Variants in LTBP1 observed in about 807,000 individuals in gnomAD.
LTBP1 encodes latent-transforming growth factor beta-binding protein 1.
A neutral mutation model predicts 207.6 loss-of-function variants in LTBP1; 129 were observed. That is an observed-to-expected ratio of 0.62 (90% CI 0.54 to 0.72). LTBP1 has a LOEUF of 0.72. LTBP1 is among the 30% of genes least tolerant of loss of function. The probability of loss-of-function intolerance (pLI) is 0.00; values close to 1 mark genes in which losing one functional copy is unlikely to be tolerated. For missense variants in LTBP1, 2,281 were observed against 2,217.2 expected, an observed-to-expected ratio of 1.03 and a Z score of -0.58; for synonymous variants, 963 against 833.7, an observed-to-expected ratio of 1.16 and a Z score of -2.67.
chr2:33,043,416 C>T (rs219217), intron 3 of LTBP1, among the ~76,000 whole-genome samples: 147,896 of 152,254 alleles, frequency 0.97, 71,973 homozygotes, highest in East Asian at 1. Flanking sequence ...TTAATAAAAA[C>T]CAAAATTTAT....
intron 20 of LTBP1, among the ~76,000 whole-genome samples, chr2:33,294,921 G>T (rs563722972): frequency 1.3e-5 from 2 of 151,350 alleles, no homozygotes; most frequent in African/African-American, 4.9e-5. Context: ...TTTTTAATTG[G>T]CATGTAATAA....
At chr2:33,114,531 T>C (rs555382837) in intron 4 of LTBP1, among the ~76,000 whole-genome samples, 2 of 152,306 alleles carry the variant, frequency 1.3e-5, no homozygotes, top group African/African-American at 4.8e-5. Flanking sequence ...GCCCTGCTTC[T>C]AGCAGCTGTC....
chr2:33,195,364 G>A (rs2088428970), intron 7 of LTBP1, among the ~76,000 whole-genome samples: 1 of 152,158 alleles, frequency 6.6e-6, no homozygotes, highest in Admixed American at 6.5e-5. Flanking sequence ...ATACATGGGA[G>A]GAGGTCAAAA....
At chr2:33,331,780 A>T (rs1573878157) in intron 24 of LTBP1, among the ~76,000 whole-genome samples, 1 of 152,162 alleles carries the variant, frequency 6.6e-6, no homozygotes, top group African/African-American at 2.4e-5. Flanking sequence ...ACTGAGGAGT[A>T]TGTAAGAAAA....
intron 16 of LTBP1, among the ~76,000 whole-genome samples, chr2:33,274,131 G>T (rs1411999583): frequency 6.6e-6 from 1 of 151,922 alleles, no homozygotes; most frequent in Non-Finnish European, 1.5e-5. Flanking sequence ...CTGCAGTAAA[G>T]AATTACATTC....
chr2:33,202,389 T>C (rs149217999), intron 7 of LTBP1, among the ~76,000 whole-genome samples: 282 of 152,276 alleles, frequency 1.9e-3, no homozygotes, highest in Non-Finnish European at 3.0e-3. Context: ...TGGAAATCTT[T>C]TCTCAGTGAT....
intron 5 of LTBP1, among the ~76,000 whole-genome samples, chr2:33,182,103 T>C (rs748895134): frequency 7.2e-5 from 11 of 152,152 alleles, no homozygotes; most frequent in Non-Finnish European, 1.3e-4. Flanking sequence ...CATAAAGGGT[T>C]ATAAATACTG....
chr2:33,277,801 C>T (rs1221831715), intron 18 of LTBP1, among the ~76,000 whole-genome samples: 304 of 101,822 alleles, frequency 3.0e-3, no homozygotes, highest in African/African-American at 0.01. Context: ...TTCTTTCTCT[C>T]TCTCTTTCTT....
At chr2:33,242,156 G>A (rs949932005) in intron 9 of LTBP1, among the ~76,000 whole-genome samples, 4 of 152,014 alleles carry the variant, frequency 2.6e-5, no homozygotes, top group African/African-American at 9.7e-5. Context: ...TGCCTACTTA[G>A]AACATGAAAT....
intron 9 of LTBP1, 22 bp from the exon 10 acceptor site, chr2:33,243,640 A>G (rs1331875350): frequency 2.5e-6 from 4 of 1,612,286 alleles, no homozygotes; most frequent in Admixed American, 1.7e-5. Context: ...TGCTCCTTCT[A>G]AAGAATTGTG....
intron 9 of LTBP1, among the ~76,000 whole-genome samples, chr2:33,234,141 A>C (rs2091926239): frequency 6.6e-6 from 1 of 152,194 alleles, no homozygotes; most frequent in South Asian, 2.1e-4. Flanking sequence ...ATTCTGCCTT[A>C]TAAAGTGAAA....
At chr2:33,133,068 T>C (rs1280937503) in intron 4 of LTBP1, among the ~76,000 whole-genome samples, 1 of 152,106 alleles carries the variant, frequency 6.6e-6, no homozygotes, top group Non-Finnish European at 1.5e-5. Flanking sequence ...CAAGTAAAGG[T>C]TACACGACCA....
At chr2:33,254,912 A>G (rs1276619760) in intron 11 of LTBP1, among the ~76,000 whole-genome samples, 1 of 100,620 alleles carries the variant, frequency 9.9e-6, no homozygotes, top group Non-Finnish European at 2.0e-5. Flanking sequence ...ATTAATATCA[A>G]ACACTGTTGT....
chr2:33,123,977 G>C (rs1330864005), intron 4 of LTBP1, among the ~76,000 whole-genome samples: 1 of 152,124 alleles, frequency 6.6e-6, no homozygotes, highest in African/African-American at 2.4e-5. Context: ...CTTTAGGCAA[G>C]TGCAAAGTCA....
intron 11 of LTBP1, among the ~76,000 whole-genome samples, chr2:33,255,526 T>C (rs2092826602): frequency 6.6e-6 from 1 of 152,182 alleles, no homozygotes; most frequent in African/African-American, 2.4e-5. Flanking sequence ...TAAAGACACA[T>C]GCACACGTAT....
intron 2 of LTBP1, among the ~76,000 whole-genome samples, chr2:32,970,884 A>G (rs1230460051): frequency 1.3e-5 from 2 of 151,974 alleles, no homozygotes; most frequent in Admixed American, 6.6e-5. Context: ...CTTCCTGTCC[A>G]TGAGCATGGA....
At chr2:33,249,860 C>T (rs1254411256) in intron 10 of LTBP1, among the ~76,000 whole-genome samples, 1 of 152,146 alleles carries the variant, frequency 6.6e-6, no homozygotes, top group Admixed American at 6.6e-5. Context: ...CAGTTTTATT[C>T]GATTCTACAG....
At chr2:33,275,264 C>G (rs1038149364) in intron 17 of LTBP1, among the ~76,000 whole-genome samples, 174 bp downstream of exon 17, 3 of 152,154 alleles carry the variant, frequency 2.0e-5, no homozygotes, top group African/African-American at 7.2e-5. Flanking sequence ...TTTCCCCTAA[C>G]ATTTTTGAAG....
chr2:33,185,314 A>G (rs2087080025), intron 5 of LTBP1, among the ~76,000 whole-genome samples: 1 of 152,288 alleles, frequency 6.6e-6, no homozygotes, highest in South Asian at 2.1e-4. Context: ...AGGGGGCAGC[A>G]CCCAGGTGTT....
Sources: gnomAD v4.1 joint callset for allele counts (sites outside exome capture counted in the v4.1 genomes callset) on GRCh38, gnomAD v4.1.1 for gene constraint, MANE v1.5 for transcripts, NCBI Gene and HGNC (gene_info 2026-07-23, HGNC 2026-07-21) for gene names.